GALNT14: variants seen among roughly 807,000 people sequenced by gnomAD.
GALNT14 encodes the protein UDP-GalNAc:polypeptide N-acetylgalactosaminyltransferase 14.
In GALNT14, 60 loss-of-function variants were observed where a neutral mutation model predicts 77.5. The ratio of observed to expected loss-of-function variants is 0.77; its 90% CI spans 0.63 to 0.96. GALNT14 has a LOEUF of 0.96. Ranked by LOEUF, GALNT14 falls within the 40% of genes least tolerant of loss-of-function variation. The pLI is 0.00. For synonymous variants in GALNT14, 280 were observed against 281.7 expected, an observed-to-expected ratio of 0.99 and a Z score of 0.06; for missense variants, 710 against 731.0, an observed-to-expected ratio of 0.97 and a Z score of 0.33.
intron 1 of GALNT14, 148 bp from the exon 2 acceptor site, chr2:30,993,155 C>T (rs1331617501): frequency 1.3e-6 from 1 of 741,850 alleles, no homozygotes; most frequent in African/African-American, 1.8e-5. Flanking sequence ...ATAAACTAAA[C>T]CATCAGCAAC....
At chr2:31,115,224 C>T (rs766536187) in intron 1 of GALNT14, among the ~76,000 whole-genome samples, 1 of 151,916 alleles carries the variant, frequency 6.6e-6, no homozygotes, top group African/African-American at 2.4e-5. Context: ...ATACTCCAGA[C>T]TGGGTGACAG....
intron 1 of GALNT14, among the ~76,000 whole-genome samples, chr2:31,004,643 G>A (rs796073977): frequency 6.6e-5 from 10 of 152,296 alleles, no homozygotes; most frequent in African/African-American, 2.4e-4. Flanking sequence ...CCACAATGTG[G>A]CCAGAGCAGC....
chr2:30,971,313 A>C (rs1160416128), intron 2 of GALNT14, among the ~76,000 whole-genome samples: 1 of 152,094 alleles, frequency 6.6e-6, no homozygotes, highest in Non-Finnish European at 1.5e-5. Flanking sequence ...ATAATTTATT[A>C]AAGATGCAGT....
chr2:31,002,351 A>G (rs1396830644), intron 1 of GALNT14, among the ~76,000 whole-genome samples: 1 of 152,048 alleles, frequency 6.6e-6, no homozygotes, highest in East Asian at 1.9e-4. Context: ...AATTGCTTGA[A>G]GTGGGGAGGC....
At chr2:31,109,454 C>T (rs1331286321) in intron 1 of GALNT14, among the ~76,000 whole-genome samples, 4 of 152,168 alleles carry the variant, frequency 2.6e-5, no homozygotes, top group African/African-American at 7.2e-5. Flanking sequence ...AAACTAAAGA[C>T]AAGGAATGTC....
intron 1 of GALNT14, among the ~76,000 whole-genome samples, chr2:31,051,327 T>C (rs1673851900): frequency 1.3e-5 from 2 of 152,188 alleles, no homozygotes; most frequent in African/African-American, 2.4e-5. Context: ...GTGATTAACA[T>C]TTGCAATTAG....
At chr2:31,096,529 G>C (rs149099242) in intron 1 of GALNT14, among the ~76,000 whole-genome samples, 2 of 152,250 alleles carry the variant, frequency 1.3e-5, no homozygotes, top group African/African-American at 4.8e-5. Flanking sequence ...CCTCTGTCTT[G>C]TGCATTACAG....
At chr2:31,090,291 C>G (rs1281636708) in intron 1 of GALNT14, among the ~76,000 whole-genome samples, 1 of 152,146 alleles carries the variant, frequency 6.6e-6, no homozygotes, top group Non-Finnish European at 1.5e-5. Context: ...CTAGGTACTT[C>G]CCCCACTGCA....
chr2:30,893,896 T>C, the GALNT14 span, among the ~76,000 whole-genome samples: 80,299 of 152,018 alleles, frequency 0.53, 21,614 homozygotes, highest in African/African-American at 0.61. Flanking sequence ...CTCACAACCT[T>C]AGCTTTTCTT....
chr2:31,092,815 C>T (rs72795209), intron 1 of GALNT14, among the ~76,000 whole-genome samples: 9,111 of 152,290 alleles, frequency 0.06, 419 homozygotes, highest in African/African-American at 0.13. Flanking sequence ...GGGTCACTAA[C>T]ATGGGTACCC....
chr2:30,926,221 G>A (rs1665368704), intron 11 of GALNT14, among the ~76,000 whole-genome samples: 1 of 152,190 alleles, frequency 6.6e-6, no homozygotes, highest in Admixed American at 6.5e-5. Context: ...AGTGCATGAT[G>A]GTGCAGTGTT....
At chr2:31,010,666 G>A (rs1006191836) in intron 1 of GALNT14, among the ~76,000 whole-genome samples, 1 of 152,094 alleles carries the variant, frequency 6.6e-6, no homozygotes, top group Non-Finnish European at 1.5e-5. Flanking sequence ...TCCCTCCAGC[G>A]GCTCCCACTG....
At chr2:30,929,608 A>C (rs976364854) in intron 10 of GALNT14, 121 bp from the exon 11 acceptor site, 1 of 680,256 alleles carries the variant, frequency 1.5e-6, no homozygotes, top group Non-Finnish European at 2.6e-6. Flanking sequence ...GGGGGCCACC[A>C]TGGTCAACCG....
chr2:30,944,521 TG>T (rs1666569400), intron 8 of GALNT14, among the ~76,000 whole-genome samples: 1 of 152,164 alleles, frequency 6.6e-6, no homozygotes, highest in Non-Finnish European at 1.5e-5. Flanking sequence ...ACTTTGCTCC[TG>T]GCCCTAAGGG....
At chr2:30,931,928 T>C (rs763253867) in intron 10 of GALNT14, 140 bp downstream of exon 10, 1 of 774,550 alleles carries the variant, frequency 1.3e-6, no homozygotes, top group Non-Finnish European at 1.8e-6. Context: ...GTCTGGGTAG[T>C]ACGAGGTGCA....
intron 1 of GALNT14, among the ~76,000 whole-genome samples, chr2:31,096,200 A>C (rs1174704455): frequency 2.0e-5 from 3 of 152,124 alleles, no homozygotes; most frequent in African/African-American, 7.2e-5. Flanking sequence ...GTAGTCCAAG[A>C]TACTCTCCTT....
At chr2:30,941,679 T>C (rs1276878531) in intron 9 of GALNT14, among the ~76,000 whole-genome samples, 2 of 152,156 alleles carry the variant, frequency 1.3e-5, no homozygotes, top group Non-Finnish European at 2.9e-5. Flanking sequence ...TCTCCCACTA[T>C]AAGATAAGGG....
At chr2:31,007,407 G>A (rs746890295) in intron 1 of GALNT14, among the ~76,000 whole-genome samples, 1 of 152,108 alleles carries the variant, frequency 6.6e-6, no homozygotes, top group Non-Finnish European at 1.5e-5. Context: ...CCCTGACCTC[G>A]GGAAGCATAA....
chr2:31,078,375 C>T (rs1338455490), intron 1 of GALNT14, among the ~76,000 whole-genome samples: 4 of 152,158 alleles, frequency 2.6e-5, no homozygotes, highest in African/African-American at 7.2e-5. Flanking sequence ...GTCAGGCCCC[C>T]GACCCCCTCT....
Sources: allele counts gnomAD v4.1 joint callset (sites outside exome capture counted in the v4.1 genomes callset), GRCh38; gene constraint gnomAD v4.1.1; transcripts MANE v1.5; gene names NCBI Gene and HGNC (gene_info 2026-07-23, HGNC 2026-07-21).